Variants in RPL26L1 observed in about 807,000 individuals in gnomAD.
The protein encoded by RPL26L1 is ribosomal protein uL24-like.
Under a neutral mutation model 15.2 loss-of-function variants are expected in RPL26L1, and 8 were observed. The observed-to-expected ratio is 0.53, with a 90% CI of 0.31 to 0.95. The LOEUF (loss-of-function observed/expected upper bound fraction) is 0.95, where lower values mean the gene tolerates loss of function less well. RPL26L1 is among the 40% of genes least tolerant of loss of function. The pLI, the probability that RPL26L1 is intolerant of heterozygous loss-of-function variation, is 0.05. For synonymous variants in RPL26L1, 51 were observed against 65.9 expected (o/e 0.77, Z 1.09); for missense variants, 146 against 190.9 (o/e 0.76, Z 1.39).
intron 3 of RPL26L1, among the ~76,000 whole-genome samples, chr5:172,968,862 C>A (rs1470635324): frequency 4.2e-5 from 5 of 118,276 alleles, no homozygotes; most frequent in African/African-American, 1.3e-4. Flanking sequence ...GGCTGGAGTG[C>A]TGTGGTGCGA....
In RPL26L1 at chr5:172,963,985, A is replaced by C. The variant is rs566451904; in HGVS notation, c.168+3944A>C. 6.6e-5 allele frequency among the ~76,000 whole-genome samples: 10 copies of C among 152,288 alleles called. No individual in the cohort carries two copies. In the East Asian group the frequency reaches 1.9e-3, roughly 29 times the overall value. On this transcript the variant is annotated intron_variant, in intron 2 of 3. Coordinates refer to ENST00000265100, the MANE Select transcript of RPL26L1 (RefSeq NM_016093.4). The stretch of plus-strand genomic sequence containing the variant: ...TTGTCTGACCTCAGTGCAGAGCCTG[A>C]CACTTAGAGAGGAGAAGGGTCAGTC...
intron 2 of RPL26L1, among the ~76,000 whole-genome samples, chr5:172,964,281 C>CCTTTTT (rs1402885653): frequency 0.45 from 44,618 of 98,414 alleles, 14,260 homozygotes; most frequent in East Asian, 0.58. Flanking sequence ...GGCCTGTTGC[C>CCTTTTT]TTTTTTTTTT....
rs1755569780 is a variant in RPL26L1 at position 172,968,735 on chromosome 5, TATC to T, written c.309+141_309+143del. ...CTTGATTGATTCAGTAGCTTTGTGA[TATC>T]ATCAAGGATCCAGATTTTTCTTCTC... On this transcript the variant is annotated intron_variant, in intron 3 of 3. Coordinates refer to ENST00000265100, the MANE Select transcript of RPL26L1 (RefSeq NM_016093.4). The T allele has an allele frequency of 1.4e-5, 12 of 846,064 alleles. No individual in the cohort carries two copies. The East Asian group carries it at 3.6e-4, about 25-fold the overall frequency. The allele number at this position is 846,064 out of a possible 1,614,324, so 52.4% of individuals were successfully genotyped here. A position where few individuals can be genotyped will look rare whatever the true frequency, so the allele number is the denominator to read the frequency against.
intron 2 of RPL26L1, among the ~76,000 whole-genome samples, chr5:172,964,505 C>T (rs1398903975): frequency 1.3e-5 from 2 of 151,966 alleles, no homozygotes; most frequent in East Asian, 1.9e-4. Flanking sequence ...AGTCTGGTCT[C>T]GAACTCCTGA....
intron 2 of RPL26L1, among the ~76,000 whole-genome samples, chr5:172,965,372 TAAAAATA>T (rs1431766901): frequency 1.3e-5 from 2 of 152,144 alleles, no homozygotes; most frequent in African/African-American, 4.8e-5. Flanking sequence ...TTCCCTTCTT[TAAAAATA>T]AAAAATAAAG....
upstream of RPL26L1, chr5:172,959,369 C>T (rs1755124874): frequency 2.0e-6 from 2 of 1,004,218 alleles, no homozygotes; most frequent in Non-Finnish European, 2.4e-6. Flanking sequence ...TTCGACTTCG[C>T]TCCTACGGAA....
chr5:172,955,129 G>GT (rs58150544), upstream of RPL26L1: 11,753 of 223,520 alleles, frequency 0.053, 1 homozygote, highest in South Asian at 0.066. Context: ...GCTGTGGTTA[G>GT]TTTTTTTTTT....
chr5:172,969,534 A>G lies in RPL26L1; in HGVS notation c.431A>G (p.Gln144Arg), dbSNP rs752480927. ...KYKEELIEKM[Q>R]E The stretch of plus-strand genomic sequence containing the variant: ...AAAGAAGAACTTATTGAGAAAATGC[A>G]GGAATAAATAGAACCTGTTGTGCAA... The change falls in exon 4 of 4, where the codon CAG becomes CGG. Residue 144 changes from glutamine to arginine, a missense_variant. Transcript: ENST00000265100. The G allele has an allele frequency of 6.2e-7, 1 of 1,612,460 alleles. No homozygotes were observed. The highest frequency in any genetic ancestry group is 8.5e-7 in the Non-Finnish European group (1 of 1,179,072).
intron 3 of RPL26L1, among the ~76,000 whole-genome samples, chr5:172,969,150 C>G (rs371392212): frequency 6.6e-6 from 1 of 152,006 alleles, no homozygotes; most frequent in Non-Finnish European, 1.5e-5. Flanking sequence ...TCCAAGTGTT[C>G]TAGGCATCAC....
At chr5:172,960,462 T>G (rs1448030479) in intron 2 of RPL26L1, among the ~76,000 whole-genome samples, 1 of 152,092 alleles carries the variant, frequency 6.6e-6, no homozygotes, top group Non-Finnish European at 1.5e-5. Flanking sequence ...TTGCCAAGTG[T>G]TGTTGCCCAG....
chr5:172,967,821 ATATG>A (rs934832346), intron 2 of RPL26L1, among the ~76,000 whole-genome samples: 5 of 150,102 alleles, frequency 3.3e-5, no homozygotes, highest in South Asian at 4.3e-4. Flanking sequence ...ATAAGTACAT[ATATG>A]TATGTATGAC....
At chr5:172,955,666 G>C (rs1350494905), upstream of RPL26L1, 1 of 152,416 alleles carries the variant, frequency 6.6e-6, no homozygotes, top group Non-Finnish European at 1.5e-5. Context: ...TTTCCTGTCA[G>C]TTATGGAGTG....
rs544981636 is a variant in RPL26L1, at chr5:172,967,497, C to A, written c.169-962C>A. ...AAATAAATAAATAAATAAGCTCTTG[C>A]TTTCAAGGAAACCCTAATCTAGTTG... is the stretch of plus-strand genomic sequence containing the variant. On this transcript the variant is annotated intron_variant, in intron 2 of 3. Transcript: ENST00000265100. Among the ~76,000 whole-genome samples, 5 of 150,752 alleles carry A rather than the reference C, an allele frequency of 3.3e-5. No individual in the cohort carries two copies. The East Asian group carries it at 9.8e-4, about 29-fold the overall frequency.
At position 172,959,931 on chromosome 5, in the gene RPL26L1, A is replaced by C; in HGVS notation, c.58A>C (p.Asn20His). 1 of 1,614,132 alleles carries C rather than the reference A, an allele frequency of 6.2e-7. No homozygotes were observed. The highest frequency in any genetic ancestry group is 8.5e-7 in the Non-Finnish European group (1 of 1,180,024). Residue 20 changes from asparagine (N) to histidine (H), a missense_variant, in exon 2 of 4, where the codon AAT (asparagine) becomes CAT (histidine). Coordinates refer to ENST00000265100, the MANE Select transcript of RPL26L1 (RefSeq NM_016093.4). Reference sequence around the variant, plus strand: ...CAGTAAAAACCGCAAACGTCACTTCAATGCCCCCTCACACGTGCGCAGGAA... The same window carrying C: ...CAGTAAAAACCGCAAACGTCACTTCCATGCCCCCTCACACGTGCGCAGGAA... ...DRSKNRKRHFNAPSHVRRKIM... is the reference protein window; with the variant it reads ...DRSKNRKRHFHAPSHVRRKIM...
chr5:172,969,196 G>T (rs149699365), intron 3 of RPL26L1, among the ~76,000 whole-genome samples: 1 of 152,210 alleles, frequency 6.6e-6, no homozygotes, highest in Non-Finnish European at 1.5e-5. Context: ...GAATAAGAGA[G>T]AATATATCTT....
At chr5:172,959,621 C>G in intron 1 of RPL26L1, 153 bp downstream of exon 1, 1 of 1,254,290 alleles carries the variant, frequency 8.0e-7, no homozygotes, top group Non-Finnish European at 1.0e-6. Flanking sequence ...CCTTCCTCAG[C>G]CTCAAGGTCC....
chr5:172,960,255 C>T (rs1336929592), intron 2 of RPL26L1, among the ~76,000 whole-genome samples: 1 of 152,134 alleles, frequency 6.6e-6, no homozygotes, highest in African/African-American at 2.4e-5. Context: ...TTTAATAAAA[C>T]AGTATGTCAA....
chr5:172,967,882 G>A (rs569944429), intron 2 of RPL26L1, among the ~76,000 whole-genome samples: 5 of 151,212 alleles, frequency 3.3e-5, no homozygotes, highest in East Asian at 3.9e-4. Context: ...TATATGATAC[G>A]TGTATGTATA....
chr5:172,965,280 C>T (rs1238926430), intron 2 of RPL26L1, among the ~76,000 whole-genome samples: 1 of 152,038 alleles, frequency 6.6e-6, no homozygotes, highest in Non-Finnish European at 1.5e-5. Flanking sequence ...TTTTTTGGTC[C>T]CTTATCTTCT....
Sources: allele counts gnomAD v4.1 joint callset (sites outside exome capture counted in the v4.1 genomes callset), GRCh38; gene constraint gnomAD v4.1.1; transcripts MANE v1.5; gene names NCBI Gene and HGNC (gene_info 2026-07-23, HGNC 2026-07-21).